Variants in RANBP2 observed in about 807,000 individuals in gnomAD.
The protein encoded by RANBP2 is E3 SUMO-protein ligase RanBP2.
In RANBP2, 57 loss-of-function variants were observed where a neutral mutation model predicts 303.6. That is an observed-to-expected ratio of 0.19 (90% CI 0.15 to 0.23). The LOEUF (loss-of-function observed/expected upper bound fraction) is 0.23. RANBP2 is among the 10% of genes least tolerant of loss of function. The pLI is 1.00. For missense variants in RANBP2, 3,138 were observed against 3,780.8 expected (o/e 0.83, Z 4.46); for synonymous variants, 1,167 against 1,301.5 (o/e 0.90, Z 2.23).
the RANBP2 span, among the ~76,000 whole-genome samples, chr2:109,486,608 G>C: frequency 6.6e-6 from 1 of 152,198 alleles, no homozygotes; most frequent in Non-Finnish European, 1.5e-5. Context: ...CAGCGAGGCA[G>C]ATGGTACCCT....
chr2:109,640,361 A>G, the RANBP2 span, among the ~76,000 whole-genome samples: 1 of 152,154 alleles, frequency 6.6e-6, no homozygotes, highest in Non-Finnish European at 1.5e-5. Flanking sequence ...CTGAGACAGG[A>G]GAATCGCTTG....
intron 8 of RANBP2, among the ~76,000 whole-genome samples, chr2:108,747,603 C>T (rs1415673756): frequency 2.6e-5 from 4 of 151,934 alleles, no homozygotes; most frequent in South Asian, 2.1e-4. Flanking sequence ...TTCCTTCTAC[C>T]CTTGCAGGGC....
the RANBP2 span, among the ~76,000 whole-genome samples, chr2:109,331,453 A>G: frequency 6.6e-6 from 1 of 152,048 alleles, no homozygotes; most frequent in Non-Finnish European, 1.5e-5. Flanking sequence ...TCTCCCTGCC[A>G]GGAGCACTTT....
At chr2:108,990,227 C>T in the RANBP2 span, among the ~76,000 whole-genome samples, 11 of 151,360 alleles carry the variant, frequency 7.3e-5, no homozygotes, top group Non-Finnish European at 1.0e-4. Context: ...GTCAGGAGAT[C>T]GAGACCATCC....
the RANBP2 span, among the ~76,000 whole-genome samples, chr2:109,485,909 C>T: frequency 2.6e-5 from 4 of 152,282 alleles, no homozygotes; most frequent in African/African-American, 7.2e-5. Context: ...CCCTTGATCT[C>T]CTACACACCT....
Position 108,766,671 on chromosome 2 carries a change from A to G in RANBP2, c.6132A>G (p.Arg2044=), listed in dbSNP as rs1466381436. ...ATTCACAGCGGGTAAAACTATTTAG[A>G]TTTGATGCTGAGGTAAGTCAGTGGA... ...VLYSQRVKLF[R]FDAEVSQWKE... is the part of the protein sequence containing the mutation. Residue 2044 remains arginine (R), a synonymous_variant, in exon 20 of 29, where the codon AGA becomes AGG. Coordinates refer to ENST00000283195, the MANE Select transcript of RANBP2 (RefSeq NM_006267.5). The G allele has an allele frequency of 1.2e-6, 2 of 1,612,010 alleles. No individual in the cohort carries two copies. Among genetic ancestry groups the G allele is most frequent in the African/African-American group, 2.7e-5 (2 of 74,970 alleles).
intron 12 of RANBP2, among the ~76,000 whole-genome samples, chr2:108,752,315 T>C (rs1675948021): frequency 6.6e-6 from 1 of 152,032 alleles, no homozygotes; most frequent in Admixed American, 6.6e-5. Context: ...TAGATCTTTC[T>C]ATATACTTAA....
At chr2:109,331,587 C>T in the RANBP2 span, among the ~76,000 whole-genome samples, 7 of 152,274 alleles carry the variant, frequency 4.6e-5, no homozygotes, top group Non-Finnish European at 7.4e-5. Context: ...GGAGTACTTA[C>T]GGTCTTCACT....
At chr2:109,040,190 C>A in the RANBP2 span, among the ~76,000 whole-genome samples, 46 of 152,204 alleles carry the variant, frequency 3.0e-4, 1 homozygote, top group South Asian at 8.1e-3. Context: ...TTAATTGTTC[C>A]AGTACAATTT....
the RANBP2 span, among the ~76,000 whole-genome samples, chr2:109,450,834 C>G: frequency 6.6e-6 from 1 of 152,334 alleles, no homozygotes; most frequent in South Asian, 2.1e-4. Context: ...AGGGATTGTT[C>G]TCTCTTGGCT....
At chr2:108,868,297 T>C in the RANBP2 span, among the ~76,000 whole-genome samples, 1 of 152,218 alleles carries the variant, frequency 6.6e-6, no homozygotes, top group Admixed American at 6.5e-5. Flanking sequence ...CCTTTTTCCT[T>C]ATTACTGAAA....
the RANBP2 span, among the ~76,000 whole-genome samples, chr2:109,165,405 G>A: frequency 6.6e-6 from 1 of 152,156 alleles, no homozygotes. Flanking sequence ...AATGAGGATG[G>A]TGTGCTCAGA....
At chr2:109,588,516 T>C in the RANBP2 span, among the ~76,000 whole-genome samples, 1 of 152,244 alleles carries the variant, frequency 6.6e-6, no homozygotes, top group Admixed American at 6.5e-5. Flanking sequence ...TTTTTTAAGA[T>C]GGAGTTTTGC....
At chr2:108,824,879 T>C in the RANBP2 span, among the ~76,000 whole-genome samples, 16 of 152,166 alleles carry the variant, frequency 1.1e-4, no homozygotes, top group Non-Finnish European at 1.6e-4. Flanking sequence ...TATAATCTCA[T>C]GGGACCAGCA....
intron 25 of RANBP2, among the ~76,000 whole-genome samples, chr2:108,779,128 G>C (rs1331960154): frequency 6.6e-6 from 1 of 151,662 alleles, no homozygotes; most frequent in African/African-American, 2.4e-5. Context: ...TTTGTTCTCA[G>C]ATCATTCCTT....
At chr2:109,084,264 A>G in the RANBP2 span, among the ~76,000 whole-genome samples, 1 of 152,210 alleles carries the variant, frequency 6.6e-6, no homozygotes, top group African/African-American at 2.4e-5. Flanking sequence ...ACGTCAACCA[A>G]ACTCATCTGG....
the RANBP2 span, among the ~76,000 whole-genome samples, chr2:109,256,270 G>A: frequency 1.1e-4 from 17 of 152,320 alleles, 1 homozygote; most frequent in South Asian, 3.1e-3. Flanking sequence ...TTTCACTTGG[G>A]CCTGGTTGAG....
chr2:109,492,749 AC>A, the RANBP2 span, among the ~76,000 whole-genome samples: 2 of 152,096 alleles, frequency 1.3e-5, no homozygotes, highest in Non-Finnish European at 2.9e-5. Context: ...GCCCTGAGCT[AC>A]CTCTCTGTAG....
the RANBP2 span, among the ~76,000 whole-genome samples, chr2:109,205,960 A>G: frequency 6.6e-6 from 1 of 152,224 alleles, no homozygotes; most frequent in Admixed American, 6.5e-5. Flanking sequence ...TCTTTGTAAC[A>G]TTGAGATTTA....
Sources: gnomAD v4.1 joint callset for allele counts (sites outside exome capture counted in the v4.1 genomes callset) on GRCh38, gnomAD v4.1.1 for gene constraint, MANE v1.5 for transcripts, NCBI Gene and HGNC (gene_info 2026-07-23, HGNC 2026-07-21) for gene names.